Variants in GTPBP10 observed in about 807,000 individuals in gnomAD.
GTPBP10 encodes GTP binding protein 10.
In GTPBP10, 38 loss-of-function variants were observed where a neutral mutation model predicts 44.8. That is an observed-to-expected ratio of 0.85 (90% CI 0.65 to 1.11). GTPBP10 has a LOEUF of 1.11. Among genes scored for constraint, GTPBP10 ranks in the 50% most tolerant of loss-of-function variants. The pLI is 0.00. For synonymous variants in GTPBP10, 152 were observed against 150.6 expected (o/e 1.01, Z -0.07); for missense variants, 462 against 453.7 (o/e 1.02, Z -0.17).
In GTPBP10 at chr7:90,385,756, A is replaced by G. The variant is rs1796514312; in HGVS notation, c.*602A>G. The G allele has an allele frequency of 3.3e-5, 5 of 152,242 alleles. No homozygotes were observed. In the South Asian group the frequency reaches 1.0e-3, roughly 32 times the overall value. The allele number at this position is 152,242 out of a possible 1,614,324, so 9.4% of individuals were successfully genotyped here. ...TTATTTTGTAATTAAGTATGTCAAC[A>G]GTAAAAAATAACCAGTGGCCAGGCA... On this transcript the variant is annotated 3_prime_UTR_variant, in exon 10 of 10. Transcript: ENST00000222511.
At chr7:90,375,197 TA>T (rs796449171) in intron 6 of GTPBP10, among the ~76,000 whole-genome samples, 88 of 141,406 alleles carry the variant, frequency 6.2e-4, no homozygotes, top group East Asian at 2.0e-3. Flanking sequence ...GTGGAGACAG[TA>T]AAAAAAAAAA....
At chr7:90,376,085 A>T (rs17863078) in intron 6 of GTPBP10, among the ~76,000 whole-genome samples, 33 of 150,960 alleles carry the variant, frequency 2.2e-4, no homozygotes, top group African/African-American at 7.3e-4. Flanking sequence ...AAAAAAAAAA[A>T]TTAGATGGGT....
chr7:90,382,349 C>T (rs1055751072), intron 8 of GTPBP10, among the ~76,000 whole-genome samples: 3 of 152,118 alleles, frequency 2.0e-5, no homozygotes, highest in Non-Finnish European at 4.4e-5. Context: ...AACTCCTGGG[C>T]CCAAGCAATG....
rs757048350 is a variant in GTPBP10, at chr7:90,390,354, A to T, written c.*5200A>T. Reference sequence around the variant, plus strand: ...CATGAAAAAGCCAGGGACAATTTCAACTACCATTTCTGACCATCATCAACC... The same window carrying T: ...CATGAAAAAGCCAGGGACAATTTCATCTACCATTTCTGACCATCATCAACC... On this transcript the variant is annotated 3_prime_UTR_variant, in exon 10 of 10. Transcript: ENST00000222511. The T allele has an allele frequency of 2.0e-5, 3 of 152,228 alleles. No individual in the cohort carries two copies. The highest frequency in any genetic ancestry group is 7.2e-5 in the African/African-American group (3 of 41,452). The allele number at this position is 152,228 out of a possible 1,614,324, so 9.4% of individuals were successfully genotyped here.
intron 4 of GTPBP10, among the ~76,000 whole-genome samples, chr7:90,369,060 A>G (rs747655635): frequency 2.0e-5 from 3 of 152,178 alleles, no homozygotes; most frequent in Admixed American, 6.5e-5. Context: ...TCTTCGCTGC[A>G]GGTCTTTTGG....
chr7:90,368,914 C>T (rs189582714), intron 4 of GTPBP10, among the ~76,000 whole-genome samples: 4 of 152,296 alleles, frequency 2.6e-5, no homozygotes, highest in African/African-American at 9.6e-5. Flanking sequence ...TCTGGTTTCT[C>T]CCCATCTTTG....
chr7:90,378,748 C>G (rs1174985082), intron 8 of GTPBP10, among the ~76,000 whole-genome samples: 3 of 152,064 alleles, frequency 2.0e-5, no homozygotes, highest in Non-Finnish European at 2.9e-5. Context: ...CTTGCTCTGT[C>G]TGCCAGGCTG....
chr7:90,350,692 A>G (rs1233001506), intron 1 of GTPBP10, among the ~76,000 whole-genome samples: 1 of 152,220 alleles, frequency 6.6e-6, no homozygotes, highest in African/African-American at 2.4e-5. Flanking sequence ...AAGTTAATTC[A>G]CAAAAAGTGC....
At position 90,384,690 on chromosome 7, in the gene GTPBP10, T is replaced by C. The variant is rs113724934; in HGVS notation, c.902-202T>C. On this transcript the variant is annotated intron_variant, in intron 9 of 9. Transcript: ENST00000222511. Reference sequence around the variant, plus strand: ...CTTAGTTTGGTTTAAAATATATTTATCTAACAAGTATGTTATGTGCCAAGA... The same window carrying C: ...CTTAGTTTGGTTTAAAATATATTTACCTAACAAGTATGTTATGTGCCAAGA... Among the ~76,000 whole-genome samples, 454 of 152,214 alleles carry C rather than the reference T, an allele frequency of 3.0e-3. 3 individuals carry two copies. Among genetic ancestry groups the C allele is most frequent in the African/African-American group, 0.01 (421 of 41,494 alleles).
At chr7:90,383,995 G>A (rs1369085457) in intron 9 of GTPBP10, among the ~76,000 whole-genome samples, 1 of 152,122 alleles carries the variant, frequency 6.6e-6, no homozygotes, top group East Asian at 1.9e-4. Flanking sequence ...ATACTAAATA[G>A]CCTTCATTCC....
rs1214823045 is a variant in GTPBP10 at position 90,373,323 on chromosome 7, T to A, written c.539-979T>A. On this transcript the variant is annotated intron_variant, in intron 5 of 9. Transcript: ENST00000222511. ...GCCTGTAATGTAGAAAATGGATTGG[T>A]GTGGGACATGAAGGGTCTGAGACAA... is the stretch of plus-strand genomic sequence containing the variant. Among the ~76,000 whole-genome samples, 4 of 152,174 alleles carry A rather than the reference T, an allele frequency of 2.6e-5. No homozygotes were observed. The East Asian group carries it at 7.7e-4, about 29-fold the overall frequency.
At chr7:90,376,992 G>A (rs943310472) in intron 6 of GTPBP10, among the ~76,000 whole-genome samples, 1 of 152,200 alleles carries the variant, frequency 6.6e-6, no homozygotes, top group Non-Finnish European at 1.5e-5. Context: ...GGGAGGCTAA[G>A]GTGAGAGGAT....
chr7:90,356,864 A>G (rs1171148643), intron 4 of GTPBP10, among the ~76,000 whole-genome samples: 2 of 152,230 alleles, frequency 1.3e-5, no homozygotes, highest in African/African-American at 2.4e-5. Flanking sequence ...AAAACTGCAT[A>G]TAATGAAATA....
In GTPBP10 at chr7:90,374,170, A is replaced by G. The variant is rs556091499; in HGVS notation, c.539-132A>G. On this transcript the variant is annotated intron_variant, in intron 5 of 9. Transcript: ENST00000222511. ...TACATATTAAATAGCAAAGATAATAATAGTTTCCATTTTAGCAAATTAGAA... is the reference window on the plus strand; with the variant it reads ...TACATATTAAATAGCAAAGATAATAGTAGTTTCCATTTTAGCAAATTAGAA... 2.0e-5 allele frequency: 14 copies of G among 704,260 alleles called. No individual in the cohort carries two copies. In the East Asian group the frequency reaches 3.0e-4, roughly 15 times the overall value. 43.6% of individuals were successfully genotyped at this position (704,260 alleles called of 1,614,324 possible).
chr7:90,382,443 A>C (rs1432061324), intron 8 of GTPBP10, among the ~76,000 whole-genome samples: 1 of 152,094 alleles, frequency 6.6e-6, no homozygotes, highest in Non-Finnish European at 1.5e-5. Flanking sequence ...TTTTTATTAC[A>C]AACAGGGCTT....
chr7:90,377,207 G>C (rs913170696), intron 6 of GTPBP10, among the ~76,000 whole-genome samples: 9 of 152,102 alleles, frequency 5.9e-5, no homozygotes. Context: ...CTGGGTGACA[G>C]AGCAAGATCC....
At chr7:90,378,976 T>A (rs1371763556) in intron 8 of GTPBP10, among the ~76,000 whole-genome samples, 1 of 152,208 alleles carries the variant, frequency 6.6e-6, no homozygotes, top group Non-Finnish European at 1.5e-5. Context: ...GTGTTGGGAT[T>A]ACAGGTGTGG....
At chr7:90,359,844 G>T (rs1370079678) in intron 4 of GTPBP10, among the ~76,000 whole-genome samples, 2 of 152,218 alleles carry the variant, frequency 1.3e-5, no homozygotes, top group African/African-American at 4.8e-5. Context: ...TCTAACTGGT[G>T]TGAGATGGTA....
chr7:90,369,072 G>A (rs1430250424), intron 4 of GTPBP10, among the ~76,000 whole-genome samples: 1 of 152,178 alleles, frequency 6.6e-6, no homozygotes, highest in East Asian at 1.9e-4. Flanking sequence ...GTCTTTTGGA[G>A]GTTGCTGGAG....
Sources: allele counts gnomAD v4.1 joint callset (sites outside exome capture counted in the v4.1 genomes callset), GRCh38; gene constraint gnomAD v4.1.1; transcripts MANE v1.5; gene names NCBI Gene and HGNC (gene_info 2026-07-23, HGNC 2026-07-21).